Variants in GLIS3 observed in about 807,000 individuals in gnomAD.
GLIS3 encodes zinc finger protein GLIS3.
A neutral mutation model predicts 78.6 loss-of-function variants in GLIS3; 53 were observed. The ratio of observed to expected loss-of-function variants is 0.67; its 90% CI spans 0.54 to 0.85. The LOEUF (loss-of-function observed/expected upper bound fraction) is 0.85. GLIS3 is among the 40% of genes least tolerant of loss of function. The pLI, the probability that GLIS3 is intolerant of heterozygous loss-of-function variation, is 0.00. For missense variants in GLIS3, 1,703 were observed against 1,231.1 expected (o/e 1.38, Z -5.74); for synonymous variants, 684 against 509.9 (o/e 1.34, Z -4.60).
intron 4 of GLIS3, among the ~76,000 whole-genome samples, chr9:3,984,363 C>T (rs547122159): frequency 6.6e-6 from 1 of 152,338 alleles, no homozygotes; most frequent in African/African-American, 2.4e-5. Flanking sequence ...CTTGCATCAG[C>T]ATGACCTGGA....
At chr9:4,097,899 C>T (rs1029459001) in intron 4 of GLIS3, among the ~76,000 whole-genome samples, 8 of 152,300 alleles carry the variant, frequency 5.3e-5, no homozygotes, top group African/African-American at 1.9e-4. Flanking sequence ...TGAATTCTAA[C>T]ATATTTTCAA....
At chr9:4,065,564 C>T (rs1827027572) in intron 4 of GLIS3, among the ~76,000 whole-genome samples, 1 of 152,030 alleles carries the variant, frequency 6.6e-6, no homozygotes, top group African/African-American at 2.4e-5. Flanking sequence ...CATGTTCTAC[C>T]AATTAGCAAA....
At chr9:4,399,042 A>T in the GLIS3 span, among the ~76,000 whole-genome samples, 1 of 152,184 alleles carries the variant, frequency 6.6e-6, no homozygotes, top group Non-Finnish European at 1.5e-5. Context: ...ATTTTATGCT[A>T]GGGGTGAGAT....
the GLIS3 span, among the ~76,000 whole-genome samples, chr9:4,418,181 G>C: frequency 1.3e-5 from 2 of 152,344 alleles, no homozygotes; most frequent in South Asian, 2.1e-4. Flanking sequence ...ACTGGATATA[G>C]CCAGATGTCC....
chr9:3,843,188 C>A (rs1302410862), intron 9 of GLIS3, among the ~76,000 whole-genome samples: 1 of 152,226 alleles, frequency 6.6e-6, no homozygotes, highest in Non-Finnish European at 1.5e-5. Flanking sequence ...CACATTACAT[C>A]CGCTTTACTA....
At chr9:3,988,018 G>T (rs912347108) in intron 4 of GLIS3, among the ~76,000 whole-genome samples, 2 of 151,878 alleles carry the variant, frequency 1.3e-5, no homozygotes, top group Non-Finnish European at 2.9e-5. Context: ...TATATTTAAG[G>T]TCTACAACTT....
At chr9:3,876,164 T>A (rs892005347) in intron 8 of GLIS3, among the ~76,000 whole-genome samples, 5 of 151,880 alleles carry the variant, frequency 3.3e-5, no homozygotes, top group African/African-American at 9.7e-5. Flanking sequence ...TGAATCTGTT[T>A]AGGATAAAAC....
the GLIS3 span, among the ~76,000 whole-genome samples, chr9:4,431,499 C>T: frequency 6.6e-6 from 1 of 152,156 alleles, no homozygotes; most frequent in Non-Finnish European, 1.5e-5. Context: ...ATCTTTTCAT[C>T]CTGTGGTTCC....
rs149072472 is a variant in GLIS3, at chr9:4,067,610, G to C, written c.1710+50158C>G. On this transcript the variant is annotated intron_variant, in intron 4 of 10. Transcript: ENST00000381971. Reference sequence around the variant, plus strand: ...CAGTTTATCTCCTCAAATTCAACAAGATTCAAGCGGCCACTTTATGTATGA... The same window carrying C: ...CAGTTTATCTCCTCAAATTCAACAACATTCAAGCGGCCACTTTATGTATGA... 5.6e-3 allele frequency among the ~76,000 whole-genome samples: 849 copies of C among 152,196 alleles called. 3 individuals carry two copies. The highest frequency in any genetic ancestry group is 8.2e-3 in the Admixed American group (126 of 15,292).
intron 4 of GLIS3, among the ~76,000 whole-genome samples, chr9:4,109,951 T>C (rs1459220759): frequency 6.6e-6 from 1 of 152,222 alleles, no homozygotes; most frequent in South Asian, 2.1e-4. Flanking sequence ...ACAGGCATAC[T>C]TGAGAGCTTC....
the GLIS3 span, among the ~76,000 whole-genome samples, chr9:4,414,549 G>T: frequency 6.6e-6 from 1 of 152,082 alleles, no homozygotes; most frequent in Non-Finnish European, 1.5e-5. Context: ...AATGCTGGTG[G>T]ATAGCTTTTA....
chr9:4,330,908 G>A (rs185564911), intron 2 of GLIS3, among the ~76,000 whole-genome samples: 37 of 152,272 alleles, frequency 2.4e-4, no homozygotes, highest in African/African-American at 8.9e-4. Context: ...AGCAAGCACT[G>A]TTTGTCACTG....
At chr9:4,103,617 T>C (rs1339320934) in intron 4 of GLIS3, among the ~76,000 whole-genome samples, 3 of 152,182 alleles carry the variant, frequency 2.0e-5, no homozygotes, top group East Asian at 3.9e-4. Flanking sequence ...GTCACCCTCA[T>C]GGTAGAACTA....
chr9:4,427,807 C>A, the GLIS3 span, among the ~76,000 whole-genome samples: 27 of 151,158 alleles, frequency 1.8e-4, no homozygotes, highest in Non-Finnish European at 3.7e-4. Flanking sequence ...TGCAGTGAGC[C>A]AAGATTGTGC....
chr9:4,209,508 A>G (rs1312920698), intron 2 of GLIS3, among the ~76,000 whole-genome samples: 1 of 152,160 alleles, frequency 6.6e-6, no homozygotes, highest in Non-Finnish European at 1.5e-5. Flanking sequence ...CCTTTTCCCA[A>G]TAGAAACTTC....
the GLIS3 span, among the ~76,000 whole-genome samples, chr9:4,404,152 G>C: frequency 9.2e-5 from 14 of 152,010 alleles, no homozygotes; most frequent in Non-Finnish European, 1.5e-5. Flanking sequence ...ATGACAAAGG[G>C]GACAATTCAG....
At chr9:4,378,646 G>A in the GLIS3 span, among the ~76,000 whole-genome samples, 4 of 152,280 alleles carry the variant, frequency 2.6e-5, no homozygotes, top group African/African-American at 9.6e-5. Context: ...TTTGGTTGGT[G>A]CAATGGGAAA....
intron 2 of GLIS3, among the ~76,000 whole-genome samples, chr9:4,273,984 T>C (rs1587258591): frequency 1.3e-5 from 2 of 152,220 alleles, no homozygotes; most frequent in South Asian, 2.1e-4. Flanking sequence ...GAAAAGAGCA[T>C]GTCCTTGCAT....
At chr9:3,972,154 C>T (rs1354184656) in intron 4 of GLIS3, among the ~76,000 whole-genome samples, 3 of 152,108 alleles carry the variant, frequency 2.0e-5, no homozygotes, top group Non-Finnish European at 2.9e-5. Context: ...ATGTTGTTTA[C>T]AAAAAACTTC....
Sources: allele counts gnomAD v4.1 joint callset (sites outside exome capture counted in the v4.1 genomes callset), GRCh38; gene constraint gnomAD v4.1.1; transcripts MANE v1.5; gene names NCBI Gene and HGNC (gene_info 2026-07-23, HGNC 2026-07-21).